Variants in PIK3C2G observed in about 807,000 individuals in gnomAD.
PIK3C2G encodes the protein phosphatidylinositol 3-kinase C2 domain-containing subunit gamma.
In PIK3C2G, 168 loss-of-function variants were observed where a neutral mutation model predicts 181.1. The observed-to-expected ratio is 0.93, with a 90% CI of 0.82 to 1.05. The LOEUF (loss-of-function observed/expected upper bound fraction) is 1.05, where lower values mean the gene tolerates loss of function less well. PIK3C2G is among the 50% of genes least tolerant of loss of function. PIK3C2G has a pLI of 0.00. For missense variants in PIK3C2G, 1,869 were observed against 1,732.8 expected (o/e 1.08, Z -1.40); for synonymous variants, 573 against 592.2 (o/e 0.97, Z 0.47).
chr12:18,261,861 TA>T (rs1453103334), intron 1 of PIK3C2G, among the ~76,000 whole-genome samples: 1 of 152,180 alleles, frequency 6.6e-6, no homozygotes, highest in East Asian at 1.9e-4. Flanking sequence ...TCTCTCCAGC[TA>T]GCTGACACCA....
intron 24 of PIK3C2G, among the ~76,000 whole-genome samples, chr12:18,536,594 G>C (rs535245982): frequency 6.6e-6 from 1 of 152,148 alleles, no homozygotes; most frequent in South Asian, 2.1e-4. Flanking sequence ...CTATGTGTCA[G>C]GCATTTATGT....
Position 18,411,371 on chromosome 12 carries a change from T to C in PIK3C2G, c.2316-9570T>C, listed in dbSNP as rs115795964. Among the ~76,000 whole-genome samples the C allele has an allele frequency of 7.6e-3, 1,164 of 152,286 alleles. 16 individuals are homozygous for C. Among genetic ancestry groups the C allele is most frequent in the African/African-American group, 0.027 (1,108 of 41,566 alleles). ...TATACTCCGAGTTTGAGTTTTTTCATCTGTATAAGGAGATTAAACTAGGTC... is the reference window on the plus strand; with the variant it reads ...TATACTCCGAGTTTGAGTTTTTTCACCTGTATAAGGAGATTAAACTAGGTC... On this transcript the variant is annotated intron_variant, in intron 16 of 32. Coordinates refer to ENST00000538779, the MANE Select transcript of PIK3C2G (RefSeq NM_001288772.2).
the PIK3C2G span, chr12:18,693,298 T>G: frequency 1.3e-6 from 2 of 1,529,818 alleles, no homozygotes; most frequent in Non-Finnish European, 9.0e-7. Flanking sequence ...GTCACAGTGA[T>G]GAAGGTGGAA....
chr12:18,711,055 A>C, the PIK3C2G span, among the ~76,000 whole-genome samples: 1 of 152,120 alleles, frequency 6.6e-6, no homozygotes, highest in Admixed American at 6.5e-5. Context: ...AAGGACTATA[A>C]ATCATGCTGC....
the PIK3C2G span, chr12:18,693,823 G>A: frequency 3.9e-6 from 6 of 1,529,908 alleles, no homozygotes; most frequent in African/African-American, 1.4e-5. Context: ...GCATTGGCAG[G>A]AAGATTGAGT....
At chr12:18,646,641 G>T (rs1232546763) in intron 32 of PIK3C2G, among the ~76,000 whole-genome samples, 2 of 152,046 alleles carry the variant, frequency 1.3e-5, no homozygotes, top group Non-Finnish European at 2.9e-5. Flanking sequence ...CTTCTTTTTG[G>T]CATATATTGA....
At chr12:18,447,750 G>T (rs1185397434) in intron 18 of PIK3C2G, among the ~76,000 whole-genome samples, 1 of 152,032 alleles carries the variant, frequency 6.6e-6, no homozygotes, top group African/African-American at 2.4e-5. Context: ...TTCTGTCGTA[G>T]AATCTTTCAA....
exon 1 of PIK3C2G, chr12:18,247,967 A>G (rs1424930016): frequency 2.0e-5 from 3 of 152,118 alleles, no homozygotes; most frequent in African/African-American, 7.2e-5. Flanking sequence ...TGAGAATCAA[A>G]TTATTGAGAA....
Position 18,640,514 on chromosome 12 carries a change from A to G in PIK3C2G, c.4268A>G (p.Lys1423Arg), listed in dbSNP as rs1244686243. 1 of 1,604,626 alleles carries G rather than the reference A, an allele frequency of 6.2e-7. No individual in the cohort carries two copies. Among genetic ancestry groups the G allele is most frequent in the African/African-American group, 1.3e-5 (1 of 74,828 alleles). ...AGTGAAGTTCGTAGGAGGAAAACAA[A>G]ATCTGTTCCAAAATGTACGGACCCC... ...YPSEVRRRKT[K>R]SVPKCTDPTY... The change falls in exon 32 of 33, where the codon AAA (lysine) becomes AGA (arginine). Residue 1423 changes from lysine (K) to arginine (R), a missense_variant. Physicochemically the swap from Lys to Arg is conservative, Grantham distance 26. Coordinates refer to ENST00000538779, the MANE Select transcript of PIK3C2G (RefSeq NM_001288772.2).
chr12:18,625,557 A>T (rs763593154), intron 31 of PIK3C2G, among the ~76,000 whole-genome samples: 3 of 151,850 alleles, frequency 2.0e-5, no homozygotes, highest in Non-Finnish European at 3.0e-5. Flanking sequence ...AGTGTTGTTC[A>T]AATTCAGTGT....
intron 32 of PIK3C2G, among the ~76,000 whole-genome samples, chr12:18,641,978 G>A (rs1445930831): frequency 1.3e-5 from 2 of 152,094 alleles, no homozygotes; most frequent in Non-Finnish European, 2.9e-5. Flanking sequence ...TCAAACTCCT[G>A]ACCTCAGGTG....
chr12:18,508,492 G>A (rs1941988966), intron 24 of PIK3C2G, among the ~76,000 whole-genome samples: 1 of 151,854 alleles, frequency 6.6e-6, no homozygotes, highest in Non-Finnish European at 1.5e-5. Flanking sequence ...AGTCTTATAG[G>A]TCCTATAAGT....
At chr12:18,507,264 A>G (rs1460272639) in intron 24 of PIK3C2G, among the ~76,000 whole-genome samples, 2 of 152,060 alleles carry the variant, frequency 1.3e-5, no homozygotes, top group Admixed American at 6.6e-5. Flanking sequence ...TCCTGGCCTC[A>G]AGTGATCTCC....
At chr12:18,664,417 C>T in the PIK3C2G span, among the ~76,000 whole-genome samples, 33 of 152,142 alleles carry the variant, frequency 2.2e-4, no homozygotes, top group Non-Finnish European at 4.3e-4. Context: ...TTTATACATA[C>T]TGTGGAATAT....
chr12:18,325,777 T>C (rs1449776344), intron 8 of PIK3C2G, among the ~76,000 whole-genome samples: 3 of 150,984 alleles, frequency 2.0e-5, no homozygotes, highest in Non-Finnish European at 4.4e-5. Flanking sequence ...TAGGAAACTA[T>C]GACATTTGAA....
chr12:18,567,191 A>C, intron 29 of PIK3C2G, 134 bp downstream of exon 29: 2 of 573,154 alleles, frequency 3.5e-6, no homozygotes, highest in Non-Finnish European at 3.1e-6. Flanking sequence ...TAAAGCCAGG[A>C]GTTTAAGTCA....
the PIK3C2G span, among the ~76,000 whole-genome samples, chr12:18,697,128 C>A: frequency 6.6e-6 from 1 of 152,044 alleles, no homozygotes; most frequent in African/African-American, 2.4e-5. Flanking sequence ...TTAAACAGAT[C>A]CTGTTTCTGC....
rs1948553489 is a variant in PIK3C2G, at chr12:18,267,480, T to C, written c.-79+5903T>C. ...CTTGATAAGCATTCACTTTATTTCTTGCAGAATATTTGCACATCTATATTA... is the reference window on the plus strand; with the variant it reads ...CTTGATAAGCATTCACTTTATTTCTCGCAGAATATTTGCACATCTATATTA... On this transcript the variant is annotated intron_variant, in intron 1 of 32. Transcript: ENST00000538779. Among the ~76,000 whole-genome samples, 3 of 152,348 alleles carry C rather than the reference T, an allele frequency of 2.0e-5. No individual in the cohort carries two copies. In the South Asian group the frequency reaches 6.2e-4, roughly 32 times the overall value.
At position 18,503,274 on chromosome 12, in the gene PIK3C2G, C is replaced by G; in HGVS notation, c.3017-7C>G. On this transcript the variant is annotated splice_region_variant and splice_polypyrimidine_tract_variant and intron_variant, in intron 22 of 32. Coordinates refer to ENST00000538779, the MANE Select transcript of PIK3C2G (RefSeq NM_001288772.2). Reference sequence around the variant, plus strand: ...ATTGTCTCTGTAATCTTTTTTTTCTCTACCAGGATTGGTGCAGATGGTACC... The same window carrying G: ...ATTGTCTCTGTAATCTTTTTTTTCTGTACCAGGATTGGTGCAGATGGTACC... 1 of 1,581,134 alleles carries G rather than the reference C, an allele frequency of 6.3e-7. No homozygotes were observed. The highest frequency in any genetic ancestry group is 8.6e-7 in the Non-Finnish European group (1 of 1,167,202).
Sources: gnomAD v4.1 joint callset for allele counts (sites outside exome capture counted in the v4.1 genomes callset) on GRCh38, gnomAD v4.1.1 for gene constraint, MANE v1.5 for transcripts, NCBI Gene and HGNC (gene_info 2026-07-23, HGNC 2026-07-21) for gene names.